The following BCL2L11 variants were observed in gnomAD, a reference collection of about 807,000 sequenced individuals.
The protein encoded by BCL2L11 is bcl-2-like protein 11.
A neutral mutation model predicts 20.6 loss-of-function variants in BCL2L11; 15 were observed. The observed-to-expected ratio is 0.73, with a 90% CI of 0.49 to 1.12. The LOEUF is 1.12. Ranked by LOEUF, BCL2L11 falls within the 50% of genes most tolerant of loss-of-function variation. BCL2L11 has a pLI of 0.00. For missense variants in BCL2L11, 292 were observed against 260.9 expected, an observed-to-expected ratio of 1.12 and a Z score of -0.82; for synonymous variants, 108 against 92.8, an observed-to-expected ratio of 1.16 and a Z score of -0.94.
chr2:111,151,696 A>G lies in BCL2L11; in HGVS notation c.498+1549A>G. The stretch of plus-strand genomic sequence containing the variant: ...TGGAATTTCTGTAAGAGTCAAGAAA[A>G]CACACATCGGATCTTCCTACCTTTC... On this transcript the variant is annotated intron_variant, in intron 3 of 3. Coordinates refer to ENST00000393256, the MANE Select transcript of BCL2L11 (RefSeq NM_138621.5). 3.8e-6 allele frequency: 3 copies of G among 784,060 alleles called. No individual in the cohort carries two copies. The South Asian group carries it at 4.6e-5, about 12-fold the overall frequency. 48.6% of individuals were successfully genotyped at this position (784,060 alleles called of 1,614,324 possible). A position where few individuals can be genotyped will look rare whatever the true frequency, so the allele number is the denominator to read the frequency against.
At position 111,167,346 on chromosome 2, in the gene BCL2L11, C is replaced by T. The variant is rs1199019955; in HGVS notation, c.*3115C>T. 1 of 152,228 alleles carries T rather than the reference C, an allele frequency of 6.6e-6. No individual in the cohort carries two copies. Among genetic ancestry groups the T allele is most frequent in the Non-Finnish European group, 1.5e-5 (1 of 68,054 alleles). 9.4% of individuals were successfully genotyped at this position (152,228 alleles called of 1,614,324 possible). A position where few individuals can be genotyped will look rare whatever the true frequency, so the allele number is the denominator to read the frequency against. On this transcript the variant is annotated 3_prime_UTR_variant, in exon 4 of 4. Coordinates refer to ENST00000393256, the MANE Select transcript of BCL2L11 (RefSeq NM_138621.5). ...GTGTGTTTGATGCCAGTGAGAAACT[C>T]AGTCTGGCAGGCTACAAAATTCTAC...
intron 3 of BCL2L11, among the ~76,000 whole-genome samples, chr2:111,156,001 T>C (rs1399320468): frequency 1.3e-5 from 2 of 152,246 alleles, no homozygotes; most frequent in Non-Finnish European, 2.9e-5. Flanking sequence ...TGTATGAATT[T>C]GAAATACTTA....
chr2:111,150,265 G>GCC, intron 3 of BCL2L11, 118 bp downstream of exon 3: 3 of 1,507,582 alleles, frequency 2.0e-6, no homozygotes, highest in Non-Finnish European at 2.7e-6. Context: ...GATTACTGTT[G>GCC]CCTAGTTGTG....
intron 2 of BCL2L11, chr2:111,145,863 G>C (rs927533874): frequency 1.5e-6 from 1 of 667,070 alleles, no homozygotes; most frequent in Non-Finnish European, 1.9e-6. Flanking sequence ...ACACACTTTT[G>C]GCAAAAATTG....
intron 2 of BCL2L11, among the ~76,000 whole-genome samples, chr2:111,147,338 TCTCTCTCTCACA>T (rs2076659210): frequency 7.4e-6 from 1 of 134,506 alleles, no homozygotes; most frequent in African/African-American, 2.8e-5. Context: ...TCTCTCTCTC[TCTCTCTCTCACA>T]CACACACACA....
intron 1 of BCL2L11, chr2:111,123,309 C>CG: frequency 1.0e-6 from 1 of 985,508 alleles, no homozygotes; most frequent in African/African-American, 1.7e-5. Flanking sequence ...GCAGGGAACG[C>CG]GGCCAGCCGC....
chr2:111,151,803 C>G, intron 3 of BCL2L11: 1 of 1,526,422 alleles, frequency 6.6e-7, no homozygotes, highest in Non-Finnish European at 8.9e-7. Context: ...TTAAGAATTT[C>G]TTAAAATACT....
intron 2 of BCL2L11, among the ~76,000 whole-genome samples, chr2:111,145,680 A>G (rs1191961040): frequency 6.6e-6 from 1 of 152,180 alleles, no homozygotes; most frequent in Non-Finnish European, 1.5e-5. Flanking sequence ...ATAGTTTGTT[A>G]AGAAACATGC....
intron 1 of BCL2L11, among the ~76,000 whole-genome samples, chr2:111,122,379 G>A (rs994746212): frequency 6.6e-6 from 1 of 152,170 alleles, no homozygotes; most frequent in African/African-American, 2.4e-5. Flanking sequence ...CAGGGTGGCC[G>A]GGCCAGCCGG....
At position 111,163,624 on chromosome 2, in the gene BCL2L11, C is replaced by T. The variant is rs184929482; in HGVS notation, c.499-509C>T. The stretch of plus-strand genomic sequence containing the variant: ...CCTGTGTCTGTGACCATGGGCACCC[C>T]TCTGGGTCACGGTGTTTATCATAGC... On this transcript the variant is annotated intron_variant, in intron 3 of 3. Transcript: ENST00000393256. Among the ~76,000 whole-genome samples, 137 of 152,232 alleles carry T rather than the reference C, an allele frequency of 9.0e-4. 1 individual carries two copies. The highest frequency in any genetic ancestry group is 3.1e-3 in the African/African-American group (130 of 41,530).
intron 2 of BCL2L11, among the ~76,000 whole-genome samples, chr2:111,147,789 A>G (rs2076754779): frequency 6.6e-6 from 1 of 152,228 alleles, no homozygotes; most frequent in Admixed American, 6.5e-5. Flanking sequence ...GGGGAAATTG[A>G]CAGGGGGAAT....
chr2:111,122,240 G>C (rs902885629), intron 1 of BCL2L11, among the ~76,000 whole-genome samples: 1 of 152,232 alleles, frequency 6.6e-6, no homozygotes, highest in African/African-American at 2.4e-5. Context: ...GACAAGTGGC[G>C]AGGACTGGGC....
intron 2 of BCL2L11, among the ~76,000 whole-genome samples, chr2:111,149,624 T>C (rs1254448107): frequency 1.3e-5 from 2 of 152,246 alleles, no homozygotes; most frequent in Non-Finnish European, 2.9e-5. Flanking sequence ...TTGAAAGTTA[T>C]ATAGGAATAT....
At chr2:111,161,929 G>A (rs1251679191) in intron 3 of BCL2L11, among the ~76,000 whole-genome samples, 1 of 152,202 alleles carries the variant, frequency 6.6e-6, no homozygotes. Context: ...GAAGCTGTTG[G>A]CGCTTTGAGC....
rs1332244487 is a variant in BCL2L11 at position 111,137,847 on chromosome 2, T to TAA, written c.395-12196_395-12195dup. Among the ~76,000 whole-genome samples, 7 of 152,172 alleles carry TAA rather than the reference T, an allele frequency of 4.6e-5. No homozygotes were observed. In the East Asian group the frequency reaches 1.3e-3, roughly 29 times the overall value. Reference sequence around the variant, plus strand: ...GGGGAAATGCCTGTTGGCCTGATGTTAAGTTTTAAAAAGCTGCAAGATTAT... The same window carrying TAA: ...GGGGAAATGCCTGTTGGCCTGATGTTAAAAGTTTTAAAAAGCTGCAAGATTAT... On this transcript the variant is annotated intron_variant, in intron 2 of 3. Transcript: ENST00000393256.
At chr2:111,142,240 C>A in intron 2 of BCL2L11, 1 of 1,308,394 alleles carries the variant, frequency 7.6e-7, no homozygotes, top group Non-Finnish European at 1.1e-6. Context: ...TCTTTTCCTT[C>A]TGTGACAAAA....
intron 3 of BCL2L11, among the ~76,000 whole-genome samples, chr2:111,155,778 C>G (rs2077761412): frequency 6.6e-6 from 1 of 152,184 alleles, no homozygotes; most frequent in Admixed American, 6.5e-5. Flanking sequence ...AATAAAAACC[C>G]TTTCATTGTT....
intron 2 of BCL2L11, among the ~76,000 whole-genome samples, chr2:111,134,097 T>G (rs992421965): frequency 1.3e-5 from 2 of 152,008 alleles, no homozygotes; most frequent in African/African-American, 4.8e-5. Flanking sequence ...GGCATGTCTT[T>G]AGATAAACCT....
chr2:111,124,999 CAT>C (rs1419822026), intron 2 of BCL2L11, among the ~76,000 whole-genome samples: 1 of 152,168 alleles, frequency 6.6e-6, no homozygotes, highest in Non-Finnish European at 1.5e-5. Flanking sequence ...GAGTGGCTAA[CAT>C]AAATACCACA....
Sources: allele counts gnomAD v4.1 joint callset (sites outside exome capture counted in the v4.1 genomes callset), GRCh38; gene constraint gnomAD v4.1.1; transcripts MANE v1.5; gene names NCBI Gene and HGNC (gene_info 2026-07-23, HGNC 2026-07-21).